The following RBFOX1 variants were observed in gnomAD, a reference collection of about 807,000 sequenced individuals.
The protein encoded by RBFOX1 is RNA binding protein fox-1 homolog 1.
Under a neutral mutation model 57.7 loss-of-function variants are expected in RBFOX1, and 8 were observed. The ratio of observed to expected loss-of-function variants is 0.14; its 90% confidence interval spans 0.08 to 0.25. The LOEUF (loss-of-function observed/expected upper bound fraction) is 0.25. Ranked by LOEUF, RBFOX1 falls within the 10% of genes least tolerant of loss-of-function variation. The pLI is 1.00. For missense variants in RBFOX1, 611 were observed against 548.5 expected, an observed-to-expected ratio of 1.11 and a Z score of -1.14; for synonymous variants, 326 against 222.4, an observed-to-expected ratio of 1.47 and a Z score of -4.15.
intron 1 of RBFOX1, among the ~76,000 whole-genome samples, chr16:6,161,544 A>C (rs6500762): frequency 6.6e-6 from 1 of 151,984 alleles, no homozygotes; most frequent in African/African-American, 2.4e-5. Flanking sequence ...TAACATCCGC[A>C]TCCAAACATA....
intron 1 of RBFOX1, among the ~76,000 whole-genome samples, chr16:6,193,492 T>C (rs1011957552): frequency 2.8e-5 from 4 of 144,516 alleles, no homozygotes; most frequent in African/African-American, 1.0e-4. Flanking sequence ...GACATTATCA[T>C]TTACTGGCTA....
Position 6,185,784 on chromosome 16 carries a change from TA to T in RBFOX1, c.-126-131207del, listed in dbSNP as rs1476683603. 2.0e-5 allele frequency among the ~76,000 whole-genome samples: 3 copies of T among 152,224 alleles called. 1 individual carries two copies. The highest frequency in any genetic ancestry group is 1.3e-4 in the Admixed American group (2 of 15,280). ...ATTTCATGTAAATCATTAAATTTTT[TA>T]AAAGTCTGTGATAATGACATGGTTG... On this transcript the variant is annotated intron_variant, in intron 1 of 15. Coordinates refer to ENST00000550418, the MANE Select transcript of RBFOX1 (RefSeq NM_018723.4).
At chr16:6,195,074 A>G (rs2097171041) in intron 1 of RBFOX1, among the ~76,000 whole-genome samples, 1 of 152,232 alleles carries the variant, frequency 6.6e-6, no homozygotes, top group Non-Finnish European at 1.5e-5. Flanking sequence ...TCAGAGAAAC[A>G]TAAGATGTTA....
At chr16:7,440,970 A>C (rs1320456210) in intron 4 of RBFOX1, among the ~76,000 whole-genome samples, 1 of 151,974 alleles carries the variant, frequency 6.6e-6, no homozygotes, top group African/African-American at 2.4e-5. Flanking sequence ...GCCCGCCCAG[A>C]GTTTGACGTT....
intron 4 of RBFOX1, among the ~76,000 whole-genome samples, chr16:7,085,882 A>C (rs189336229): frequency 6.6e-6 from 1 of 152,320 alleles, no homozygotes; most frequent in Non-Finnish European, 1.5e-5. Context: ...GTTCTGCCCC[A>C]TCAAACCAGG....
chr16:6,224,023 G>A (rs932018018), intron 1 of RBFOX1, among the ~76,000 whole-genome samples: 20 of 151,894 alleles, frequency 1.3e-4, no homozygotes, highest in East Asian at 1.9e-4. Flanking sequence ...GATATGCGGC[G>A]TTATTTCTGA....
At chr16:6,847,775 T>G (rs985603039) in intron 3 of RBFOX1, among the ~76,000 whole-genome samples, 2 of 152,090 alleles carry the variant, frequency 1.3e-5, no homozygotes, top group African/African-American at 2.4e-5. Context: ...ACGTGTGGCT[T>G]AGAAATTAAA....
intron 2 of RBFOX1, among the ~76,000 whole-genome samples, chr16:6,381,804 G>C (rs1305797056): frequency 6.6e-6 from 1 of 152,252 alleles, no homozygotes; most frequent in Non-Finnish European, 1.5e-5. Context: ...ATTCCAGCAA[G>C]TGGACTTCAT....
chr16:5,247,705 T>C (rs2062337641), intron 1 of RBFOX1, among the ~76,000 whole-genome samples: 1 of 152,200 alleles, frequency 6.6e-6, no homozygotes, highest in Admixed American at 6.5e-5. Context: ...CAGAGACCTA[T>C]GGCCTGCAAT....
chr16:6,053,848 A>G (rs2095582308), intron 1 of RBFOX1, among the ~76,000 whole-genome samples: 1 of 152,100 alleles, frequency 6.6e-6, no homozygotes, highest in African/African-American at 2.4e-5. Context: ...GCTTGAGCAC[A>G]GGAGTTCAAG....
At chr16:7,409,952 G>C (rs559011552) in intron 4 of RBFOX1, among the ~76,000 whole-genome samples, 6 of 152,300 alleles carry the variant, frequency 3.9e-5, no homozygotes, top group Admixed American at 3.9e-4. Flanking sequence ...GGTCTGAGCT[G>C]ACATTTCTCT....
At chr16:5,569,096 C>T (rs527439103) in intron 2 of RBFOX1, among the ~76,000 whole-genome samples, 342 of 151,952 alleles carry the variant, frequency 2.3e-3, no homozygotes, top group Non-Finnish European at 3.4e-3. Context: ...ATGATCCGCC[C>T]GCCTTGGTCT....
intron 3 of RBFOX1, among the ~76,000 whole-genome samples, chr16:6,877,298 A>G (rs565140356): frequency 6.6e-6 from 1 of 152,328 alleles, no homozygotes; most frequent in African/African-American, 2.4e-5. Context: ...GTATGCTTCT[A>G]TCTAGTTTTA....
At chr16:7,257,251 G>A (rs17143076) in intron 4 of RBFOX1, among the ~76,000 whole-genome samples, 6,392 of 152,080 alleles carry the variant, frequency 0.042, 141 homozygotes, top group South Asian at 0.057. Flanking sequence ...CTGAGAGTGC[G>A]ATCCCTGACT....
At chr16:7,707,333 A>G (rs1018449218) in intron 14 of RBFOX1, among the ~76,000 whole-genome samples, 1 of 152,124 alleles carries the variant, frequency 6.6e-6, no homozygotes, top group South Asian at 2.1e-4. Flanking sequence ...GAGGTGGTCA[A>G]ACATGTATTG....
chr16:6,952,759 C>G (rs566143898), intron 3 of RBFOX1, among the ~76,000 whole-genome samples: 1 of 152,054 alleles, frequency 6.6e-6, no homozygotes, highest in Non-Finnish European at 1.5e-5. Flanking sequence ...GGGCGGATCA[C>G]GAGGTCAGGA....
In RBFOX1 at chr16:5,317,553, G is replaced by A. The variant is rs545311749; in HGVS notation, c.219+77448G>A. On this transcript the variant is annotated intron_variant, in intron 1 of 2. Coordinates refer to the RBFOX1 transcript ENST00000585867. ...GAATCTGGGAGGTGGAGTTTGCAGT[G>A]AGCTGAGATCACGCCGTTGCACTCC... Among the ~76,000 whole-genome samples, 6 of 152,270 alleles carry A rather than the reference G, an allele frequency of 3.9e-5. No individual in the cohort carries two copies. In the Middle Eastern group the frequency reaches 0.01, roughly 259 times the overall value.
intron 4 of RBFOX1, among the ~76,000 whole-genome samples, chr16:7,216,942 A>C (rs1208396774): frequency 6.6e-6 from 1 of 151,108 alleles, no homozygotes; most frequent in Non-Finnish European, 1.5e-5. Context: ...AGTATTCAGG[A>C]ATGCACCCAG....
intron 2 of RBFOX1, among the ~76,000 whole-genome samples, chr16:6,505,519 C>T (rs185348514): frequency 5.3e-4 from 80 of 152,288 alleles, no homozygotes; most frequent in African/African-American, 1.8e-3. Flanking sequence ...TTTAGACACA[C>T]GTTTACTCTG....
Sources: allele counts gnomAD v4.1 joint callset (sites outside exome capture counted in the v4.1 genomes callset), GRCh38; gene constraint gnomAD v4.1.1; transcripts MANE v1.5; gene names NCBI Gene and HGNC (gene_info 2026-07-23, HGNC 2026-07-21).